NLGN1: variants seen among roughly 807,000 people sequenced by gnomAD.
NLGN1 encodes neuroligin-1.
Under a neutral mutation model 65.5 loss-of-function variants are expected in NLGN1, and 12 were observed. The observed-to-expected ratio is 0.18, with a 90% confidence interval of 0.12 to 0.30. The LOEUF is 0.30. Ranked by LOEUF, NLGN1 falls within the 10% of genes least tolerant of loss-of-function variation. The pLI is 1.00. For missense variants in NLGN1, 750 were observed against 1,007.1 expected, an observed-to-expected ratio of 0.74 and a Z score of 3.46; for synonymous variants, 350 against 359.5, an observed-to-expected ratio of 0.97 and a Z score of 0.30.
At chr3:173,874,373 A>G (rs980827039) in intron 4 of NLGN1, among the ~76,000 whole-genome samples, 11 of 152,194 alleles carry the variant, frequency 7.2e-5, no homozygotes, top group Admixed American at 1.3e-4. Context: ...AAATACATAA[A>G]CTTAGAAAAG....
chr3:173,807,735 A>C (rs142368146), exon 4 of NLGN1: 164 of 1,613,656 alleles, frequency 1.0e-4, no homozygotes, highest in Non-Finnish European at 1.3e-4. Flanking sequence ...ATGGTGGCTC[A>C]TATATGGAAG....
chr3:173,827,255 T>C (rs139443574), intron 4 of NLGN1, among the ~76,000 whole-genome samples: 2 of 152,118 alleles, frequency 1.3e-5, no homozygotes, highest in East Asian at 1.9e-4. Context: ...TTTGAAGAAG[T>C]AGGGAAAATC....
At chr3:173,847,198 C>T (rs1725952933) in intron 4 of NLGN1, among the ~76,000 whole-genome samples, 1 of 152,058 alleles carries the variant, frequency 6.6e-6, no homozygotes, top group Non-Finnish European at 1.5e-5. Flanking sequence ...TAAATATATT[C>T]TTGCCTTAAA....
rs570022880 is a variant in NLGN1 at position 173,543,925 on chromosome 3, T to C, written c.-320-60354T>C. Among the ~76,000 whole-genome samples, 113 of 152,250 alleles carry C rather than the reference T, an allele frequency of 7.4e-4. 1 individual carries two copies. Among genetic ancestry groups the C allele is most frequent in the African/African-American group, 2.6e-3 (108 of 41,578 alleles). On this transcript the variant is annotated intron_variant, in intron 2 of 6. Coordinates refer to ENST00000457714, the Ensembl canonical transcript of NLGN1. Reference sequence around the variant, plus strand: ...GTAAACCAAGGTTTGAGTGCAGTGATAGAAGTCAGGGAAGACTTCTTAGTG... The same window carrying C: ...GTAAACCAAGGTTTGAGTGCAGTGACAGAAGTCAGGGAAGACTTCTTAGTG...
rs939710493 is a variant in NLGN1, at chr3:173,981,002, T to G, written c.646+173170T>G. On this transcript the variant is annotated intron_variant, in intron 4 of 6. Transcript: ENST00000457714. ...ATTACATACAATTCTACATAAAATA[T>G]TTTCTTACATAAATTTATACCAAAT... Among the ~76,000 whole-genome samples, 4 of 152,254 alleles carry G rather than the reference T, an allele frequency of 2.6e-5. No individual in the cohort carries two copies. In the East Asian group the frequency reaches 7.7e-4, roughly 29 times the overall value.
intron 1 of NLGN1, among the ~76,000 whole-genome samples, chr3:173,427,779 T>C (rs2148725145): frequency 6.6e-6 from 1 of 151,958 alleles, no homozygotes; most frequent in African/African-American, 2.4e-5. Context: ...AAATAATATG[T>C]ATTCTTCAGT....
intron 4 of NLGN1, among the ~76,000 whole-genome samples, chr3:174,010,908 A>G (rs1725403826): frequency 6.6e-6 from 1 of 152,144 alleles, no homozygotes; most frequent in East Asian, 1.9e-4. Context: ...TTCAAGGTCA[A>G]AGAGGGATTT....
At chr3:173,773,473 A>G (rs990292429) in intron 3 of NLGN1, among the ~76,000 whole-genome samples, 1 of 152,194 alleles carries the variant, frequency 6.6e-6, no homozygotes, top group Non-Finnish European at 1.5e-5. Flanking sequence ...TGAGACACAA[A>G]ATGTTGTTAT....
At chr3:173,715,552 T>C (rs1353899580) in intron 3 of NLGN1, among the ~76,000 whole-genome samples, 2 of 152,206 alleles carry the variant, frequency 1.3e-5, no homozygotes, top group African/African-American at 2.4e-5. Flanking sequence ...GAGCTATTTC[T>C]ATGTATCAGG....
At chr3:174,101,256 C>T (rs371081945) in intron 4 of NLGN1, among the ~76,000 whole-genome samples, 2 of 152,090 alleles carry the variant, frequency 1.3e-5, no homozygotes, top group Non-Finnish European at 2.9e-5. Flanking sequence ...AGAGTTACTT[C>T]GGACGAGGAT....
At chr3:174,066,897 A>C (rs186740651) in intron 4 of NLGN1, among the ~76,000 whole-genome samples, 570 of 152,192 alleles carry the variant, frequency 3.7e-3, no homozygotes, top group Non-Finnish European at 5.2e-3. Context: ...TAAGTTCTTC[A>C]AATATTCTCA....
intron 3 of NLGN1, among the ~76,000 whole-genome samples, chr3:173,692,731 C>T (rs567196917): frequency 1.2e-4 from 19 of 152,130 alleles, no homozygotes; most frequent in African/African-American, 4.3e-4. Context: ...AATGATAATA[C>T]GTTATACTTA....
At chr3:174,084,620 G>A (rs1742900362) in intron 4 of NLGN1, among the ~76,000 whole-genome samples, 1 of 151,994 alleles carries the variant, frequency 6.6e-6, no homozygotes, top group African/African-American at 2.4e-5. Context: ...TCAAAAAATG[G>A]TAAGAAGGGA....
At chr3:173,576,617 AC>A (rs1745539849) in intron 2 of NLGN1, among the ~76,000 whole-genome samples, 1 of 151,742 alleles carries the variant, frequency 6.6e-6, no homozygotes, top group Admixed American at 6.6e-5. Flanking sequence ...TCTTATTCTG[AC>A]CCCTGAACCC....
At chr3:173,902,476 A>G (rs1737546937) in intron 4 of NLGN1, among the ~76,000 whole-genome samples, 1 of 152,158 alleles carries the variant, frequency 6.6e-6, no homozygotes, top group Admixed American at 6.6e-5. Context: ...TCATATAGCA[A>G]CATTTCATGA....
At chr3:173,847,111 C>T (rs1725937491) in intron 4 of NLGN1, among the ~76,000 whole-genome samples, 1 of 151,926 alleles carries the variant, frequency 6.6e-6, no homozygotes, top group South Asian at 2.1e-4. Context: ...ATAAAAGATG[C>T]CTCTCCTAAA....
chr3:173,639,906 GCTCT>G (rs1161403759), intron 3 of NLGN1, among the ~76,000 whole-genome samples: 2 of 150,282 alleles, frequency 1.3e-5, no homozygotes, highest in Admixed American at 6.6e-5. Flanking sequence ...TTCCTTTCTT[GCTCT>G]CTCTTTCATC....
chr3:173,992,319 CAGG>C (rs1481717557), intron 4 of NLGN1, among the ~76,000 whole-genome samples: 1 of 152,004 alleles, frequency 6.6e-6, no homozygotes, highest in African/African-American at 2.4e-5. Flanking sequence ...TAAAATGTGT[CAGG>C]ACTCAATTGA....
chr3:174,131,581 T>C (rs972127262), intron 4 of NLGN1, among the ~76,000 whole-genome samples: 3 of 152,194 alleles, frequency 2.0e-5, no homozygotes, highest in African/African-American at 4.8e-5. Context: ...TTATGTTATA[T>C]GAAGATAATA....
Sources: gnomAD v4.1 joint callset for allele counts (sites outside exome capture counted in the v4.1 genomes callset) on GRCh38, gnomAD v4.1.1 for gene constraint, MANE v1.5 for transcripts, NCBI Gene and HGNC (gene_info 2026-07-23, HGNC 2026-07-21) for gene names.